STAT5B: variants seen among roughly 807,000 people sequenced by gnomAD.
STAT5B encodes transcription factor STAT5B.
A neutral mutation model predicts 107.8 loss-of-function variants in STAT5B; 21 were observed. The ratio of observed to expected loss-of-function variants is 0.19; its 90% CI spans 0.14 to 0.28. The LOEUF is 0.28. STAT5B is among the 10% of genes least tolerant of loss of function. The pLI is 1.00. For missense variants in STAT5B, 565 were observed against 1,008.2 expected, an observed-to-expected ratio of 0.56 and a Z score of 5.95; for synonymous variants, 325 against 401.7, an observed-to-expected ratio of 0.81 and a Z score of 2.28.
intron 12 of STAT5B, chr17:42,214,732 A>C: frequency 2.3e-6 from 2 of 860,690 alleles, no homozygotes; most frequent in Non-Finnish European, 2.8e-6. Flanking sequence ...AATATGTAAC[A>C]AATGACCTTT....
the STAT5B span, among the ~76,000 whole-genome samples, chr17:42,287,358 G>T: frequency 2.0e-5 from 3 of 151,354 alleles, no homozygotes; most frequent in African/African-American, 7.3e-5. Flanking sequence ...TGCAGTCTTG[G>T]CCCAGCTGTG....
At chr17:42,274,111 T>A (rs1307563916) in intron 1 of STAT5B, among the ~76,000 whole-genome samples, 1 of 151,962 alleles carries the variant, frequency 6.6e-6, no homozygotes, top group Non-Finnish European at 1.5e-5. Context: ...TAATATCCCG[T>A]GGGCAAAAAA....
At chr17:42,286,221 G>A in the STAT5B span, among the ~76,000 whole-genome samples, 2 of 97,002 alleles carry the variant, frequency 2.1e-5, no homozygotes, top group African/African-American at 8.4e-5. Flanking sequence ...CAACGAGAGC[G>A]AAACTCCATC....
chr17:42,222,770 C>T (rs1285033594), intron 5 of STAT5B, among the ~76,000 whole-genome samples: 2 of 147,918 alleles, frequency 1.4e-5, no homozygotes, highest in Non-Finnish European at 3.0e-5. Context: ...CAACCTCCGC[C>T]TCCCGGGTTC....
At chr17:42,260,433 G>A (rs2080585007) in intron 1 of STAT5B, among the ~76,000 whole-genome samples, 1 of 151,872 alleles carries the variant, frequency 6.6e-6, no homozygotes, top group South Asian at 2.1e-4. Flanking sequence ...TTTTGAGACA[G>A]GGTCTCACTC....
chr17:42,209,844 G>T (rs534268789), intron 15 of STAT5B, among the ~76,000 whole-genome samples: 1 of 152,302 alleles, frequency 6.6e-6, no homozygotes, highest in Admixed American at 6.5e-5. Context: ...GCTTTATGCA[G>T]AGTAGTACAA....
intron 13 of STAT5B, chr17:42,210,724 ACAGACACTTTCAC>A: frequency 1.9e-6 from 1 of 527,434 alleles, no homozygotes; most frequent in South Asian, 1.9e-5. Context: ...GGCTCCTGCT[ACAGACACTTTCAC>A]CTGGGACTGG....
At chr17:42,235,711 C>T (rs1474111600) in intron 1 of STAT5B, among the ~76,000 whole-genome samples, 1 of 152,148 alleles carries the variant, frequency 6.6e-6, no homozygotes, top group Non-Finnish European at 1.5e-5. Flanking sequence ...CTCCTGACCT[C>T]GTGATCTGCC....
rs1332576750 is a variant in STAT5B at position 42,201,260 on chromosome 17, G to A, written c.*478C>T. Reference sequence around the variant, plus strand: ...TCAGAAGAAAAGCAGAGACAATCACGGTTATATATCAATTGCTTGGCAGAC... The same window carrying A: ...TCAGAAGAAAAGCAGAGACAATCACAGTTATATATCAATTGCTTGGCAGAC... On this transcript the variant is annotated 3_prime_UTR_variant, in exon 19 of 19. Coordinates refer to ENST00000293328, the MANE Select transcript of STAT5B (RefSeq NM_012448.4). The A allele has an allele frequency of 9.0e-6, 4 of 444,178 alleles. No homozygotes were observed. Among genetic ancestry groups the A allele is most frequent in the East Asian group, 3.3e-5 (1 of 30,656 alleles). The allele number at this position is 444,178 out of a possible 1,614,324, so 27.5% of individuals were successfully genotyped here. A position where few individuals can be genotyped will look rare whatever the true frequency, so the allele number is the denominator to read the frequency against.
chr17:42,219,729 G>A lies in STAT5B; in HGVS notation c.664C>T (p.Leu222=), dbSNP rs759101528. The change falls in exon 6 of 19, where the codon CTG becomes TTG. Residue 222 remains leucine (L), a synonymous_variant. Coordinates refer to ENST00000293328, the MANE Select transcript of STAT5B (RefSeq NM_012448.4). ...CCACTCACCACGCGGTACTGCTGCA[G>A]TGTCTGTGCCTCACGCTGCAACCAG... is the stretch of plus-strand genomic sequence containing the variant. ...EAWLQREAQT[L]QQYRVELAEK... 1.5e-5 allele frequency: 24 copies of A among 1,607,584 alleles called. No individual in the cohort carries two copies. In the East Asian group the frequency reaches 4.3e-4, roughly 29 times the overall value.
In STAT5B at chr17:42,219,540, A is replaced by G; in HGVS notation, c.682-77T>C. 3.5e-6 allele frequency: 4 copies of G among 1,157,540 alleles called. No individual in the cohort carries two copies. In the South Asian group the frequency reaches 6.2e-5, roughly 18 times the overall value. 71.7% of individuals were successfully genotyped at this position (1,157,540 alleles called of 1,614,324 possible). On this transcript the variant is annotated intron_variant, in intron 6 of 18. Transcript: ENST00000293328. ...GGGCCTCGCTGGGAAATGGCAGGGC[A>G]GGGCCCAGGCCGTTCCCTCTCCCCA...
intron 1 of STAT5B, chr17:42,270,516 AT>A (rs1360720347): frequency 6.6e-6 from 1 of 152,236 alleles, no homozygotes; most frequent in African/African-American, 2.4e-5. Context: ...ACAACTTATA[AT>A]AAAAATTAAG....
intron 18 of STAT5B, 124 bp from the exon 19 acceptor site, chr17:42,201,988 A>G: frequency 1.1e-6 from 1 of 903,610 alleles, no homozygotes; most frequent in Non-Finnish European, 1.7e-6. Flanking sequence ...GCTTCATGGG[A>G]AAAGAACAAC....
chr17:42,255,187 G>C (rs535995716), intron 1 of STAT5B, among the ~76,000 whole-genome samples: 1 of 152,288 alleles, frequency 6.6e-6, no homozygotes, highest in South Asian at 2.1e-4. Context: ...CTCATTGTCT[G>C]TATAAACAAT....
chr17:42,286,188 G>A, the STAT5B span, among the ~76,000 whole-genome samples: 2 of 144,278 alleles, frequency 1.4e-5, no homozygotes, highest in African/African-American at 2.6e-5. Flanking sequence ...AGCCAAGATC[G>A]CGCCATTGCA....
rs537215973 is a variant in STAT5B, at chr17:42,254,936, C to CA, written c.-11+21311dup. On this transcript the variant is annotated intron_variant, in intron 1 of 18. Transcript: ENST00000293328. ...TGAAACCCTGTCTCTACAAAAAATA[C>CA]AAAAATTAGCTGGGTGTGGTGGCAT... Among the ~76,000 whole-genome samples the CA allele has an allele frequency of 3.4e-3, 514 of 152,122 alleles. 1 individual carries two copies. Among genetic ancestry groups the CA allele is most frequent in the Middle Eastern group, 0.02 (6 of 294 alleles).
chr17:42,210,099 C>T, intron 15 of STAT5B, 72 bp downstream of exon 15: 2 of 1,609,720 alleles, frequency 1.2e-6, no homozygotes, highest in Non-Finnish European at 1.7e-6. Context: ...TAAGTACCCA[C>T]TAAATTATTT....
At chr17:42,236,127 T>C (rs2080354884) in intron 1 of STAT5B, among the ~76,000 whole-genome samples, 1 of 152,208 alleles carries the variant, frequency 6.6e-6, no homozygotes, top group Non-Finnish European at 1.5e-5. Flanking sequence ...AGCATCCCAT[T>C]TGAAGGATAA....
chr17:42,214,473 G>A, intron 12 of STAT5B: 1 of 985,400 alleles, frequency 1.0e-6, no homozygotes, highest in Non-Finnish European at 1.2e-6. Context: ...GGAGTGTTGG[G>A]AAACGTTAAG....
Sources: allele counts gnomAD v4.1 joint callset (sites outside exome capture counted in the v4.1 genomes callset), GRCh38; gene constraint gnomAD v4.1.1; transcripts MANE v1.5; gene names NCBI Gene and HGNC (gene_info 2026-07-23, HGNC 2026-07-21).